Variants in CEP128 observed in about 807,000 individuals in gnomAD.
The protein encoded by CEP128 is centrosomal protein 128kDa.
A neutral mutation model predicts 156.7 loss-of-function variants in CEP128; 132 were observed. That is an observed-to-expected ratio of 0.84 (90% CI 0.73 to 0.97). The LOEUF (loss-of-function observed/expected upper bound fraction) is 0.97, where lower values mean the gene tolerates loss of function less well. CEP128 is among the 50% of genes least tolerant of loss of function. CEP128 has a pLI of 0.00. For synonymous variants in CEP128, 469 were observed against 448.9 expected, an observed-to-expected ratio of 1.04 and a Z score of -0.57; for missense variants, 1,252 against 1,281.9, an observed-to-expected ratio of 0.98 and a Z score of 0.36.
intron 19 of CEP128, among the ~76,000 whole-genome samples, chr14:80,690,074 T>C (rs1896665524): frequency 1.3e-5 from 2 of 151,994 alleles, no homozygotes; most frequent in African/African-American, 4.8e-5. Flanking sequence ...GTTAGGAATG[T>C]GGTCTTGTTA....
intron 1 of CEP128, among the ~76,000 whole-genome samples, chr14:80,941,262 T>A (rs892233885): frequency 6.6e-6 from 1 of 152,026 alleles, no homozygotes; most frequent in Non-Finnish European, 1.5e-5. Flanking sequence ...ATGAGTCCAA[T>A]CTCCTGTCCC....
chr14:80,809,774 A>G (rs1173754275), intron 13 of CEP128, among the ~76,000 whole-genome samples: 2 of 152,124 alleles, frequency 1.3e-5, no homozygotes, highest in African/African-American at 4.8e-5. Context: ...TATATAAAAA[A>G]AAATTGTCTC....
chr14:80,620,170 G>C (rs1893419205), intron 19 of CEP128, among the ~76,000 whole-genome samples: 1 of 152,004 alleles, frequency 6.6e-6, no homozygotes, highest in Non-Finnish European at 1.5e-5. Flanking sequence ...TGCACTGGGA[G>C]AGCAGACCAG....
At chr14:80,541,465 A>AAAAAAC (rs1491494542) in intron 21 of CEP128, among the ~76,000 whole-genome samples, 1 of 141,026 alleles carries the variant, frequency 7.1e-6, no homozygotes, top group Admixed American at 6.9e-5. Flanking sequence ...AAAAAAAAAA[A>AAAAAAC]CCAGGAAAAA....
At chr14:80,570,116 T>C (rs1437343561) in intron 20 of CEP128, among the ~76,000 whole-genome samples, 1 of 152,156 alleles carries the variant, frequency 6.6e-6, no homozygotes, top group Non-Finnish European at 1.5e-5. Context: ...TTAACATATG[T>C]TCTTTTTATT....
At chr14:80,791,575 T>C (rs940538768) in intron 14 of CEP128, among the ~76,000 whole-genome samples, 6 of 152,168 alleles carry the variant, frequency 3.9e-5, no homozygotes, top group Non-Finnish European at 8.8e-5. Context: ...TCAGGCTCAT[T>C]GAGCCAGTTG....
At chr14:80,936,876 G>T (rs913105145) in intron 2 of CEP128, among the ~76,000 whole-genome samples, 1 of 151,648 alleles carries the variant, frequency 6.6e-6, no homozygotes, top group Non-Finnish European at 1.5e-5. Context: ...CACTCGCAGG[G>T]TTAGCAAGGT....
At chr14:80,678,507 C>G (rs1255771055) in intron 19 of CEP128, among the ~76,000 whole-genome samples, 1 of 152,122 alleles carries the variant, frequency 6.6e-6, no homozygotes, top group African/African-American at 2.4e-5. Context: ...TAAAGATCAA[C>G]TATGTGCGCT....
intron 13 of CEP128, among the ~76,000 whole-genome samples, chr14:80,824,690 T>C (rs1206625787): frequency 6.6e-6 from 1 of 152,206 alleles, no homozygotes; most frequent in African/African-American, 2.4e-5. Flanking sequence ...CTGGACTTTA[T>C]TGTCCATAAT....
At chr14:80,578,059 C>A (rs1358558742) in intron 20 of CEP128, among the ~76,000 whole-genome samples, 1 of 152,162 alleles carries the variant, frequency 6.6e-6, no homozygotes, top group Non-Finnish European at 1.5e-5. Flanking sequence ...GCCAACCTAC[C>A]CTTACCTATG....
At chr14:80,511,017 T>G (rs1888221583) in intron 23 of CEP128, among the ~76,000 whole-genome samples, 1 of 151,584 alleles carries the variant, frequency 6.6e-6, no homozygotes, top group Non-Finnish European at 1.5e-5. Context: ...TTGAAGATTT[T>G]TTTCATCAAT....
At chr14:80,913,278 TAAAAAG>T (rs1187079927) in intron 4 of CEP128, among the ~76,000 whole-genome samples, 3 of 152,104 alleles carry the variant, frequency 2.0e-5, no homozygotes, top group Non-Finnish European at 4.4e-5. Context: ...ATGTTTATAA[TAAAAAG>T]AAAAACTAGA....
downstream of CEP128, among the ~76,000 whole-genome samples, chr14:80,486,609 C>A (rs1887171825): frequency 6.6e-6 from 1 of 152,138 alleles, no homozygotes; most frequent in South Asian, 2.1e-4. Context: ...ATGTTAAGGG[C>A]AGCCAGAGAG....
chr14:80,865,665 T>C (rs950074048), intron 8 of CEP128, among the ~76,000 whole-genome samples: 10 of 152,164 alleles, frequency 6.6e-5, no homozygotes, highest in African/African-American at 7.2e-5. Flanking sequence ...CATTATTAGA[T>C]TGCAAAAAAC....
chr14:80,525,865 T>C lies in CEP128; in HGVS notation c.3072+1004A>G, dbSNP rs745407333. 1.4e-4 allele frequency among the ~76,000 whole-genome samples: 21 copies of C among 152,306 alleles called. No homozygotes were observed. The Middle Eastern group carries it at 0.014, about 99-fold the overall frequency. On this transcript the variant is annotated intron_variant, in intron 23 of 24. Coordinates refer to ENST00000555265, the MANE Select transcript of CEP128 (RefSeq NM_152446.5). ...ATATCCACTGAGCATTCTATCCAAT[T>C]ACATTCAGAGGAGGAAAGACGCTTC...
At chr14:80,489,668 C>A (rs1887256839), downstream of CEP128, among the ~76,000 whole-genome samples, 1 of 150,144 alleles carries the variant, frequency 6.7e-6, no homozygotes, top group Admixed American at 6.6e-5. Flanking sequence ...GTGGCCTCTT[C>A]GAATGTGACT....
chr14:80,571,904 G>C (rs1891155376), intron 20 of CEP128, among the ~76,000 whole-genome samples: 1 of 152,196 alleles, frequency 6.6e-6, no homozygotes, highest in South Asian at 2.1e-4. Flanking sequence ...TCTCTCACCG[G>C]CTGAGGAAGT....
chr14:80,701,517 G>GAGGACCCAA (rs1897074308), intron 19 of CEP128, among the ~76,000 whole-genome samples: 1 of 152,162 alleles, frequency 6.6e-6, no homozygotes, highest in Non-Finnish European at 1.5e-5. Flanking sequence ...AGAGGAGCCA[G>GAGGACCCAA]AGGACCCAAA....
intron 20 of CEP128, among the ~76,000 whole-genome samples, chr14:80,564,224 T>A (rs560711597): frequency 6.6e-6 from 1 of 152,344 alleles, no homozygotes; most frequent in South Asian, 2.1e-4. Context: ...TAAATATTTT[T>A]AAAAATGTTT....
Sources: gnomAD v4.1 joint callset for allele counts (sites outside exome capture counted in the v4.1 genomes callset) on GRCh38, gnomAD v4.1.1 for gene constraint, MANE v1.5 for transcripts, NCBI Gene and HGNC (gene_info 2026-07-23, HGNC 2026-07-21) for gene names.